The following TRIP4 variants were observed in gnomAD, a reference collection of about 807,000 sequenced individuals.
TRIP4 encodes the protein thyroid hormone receptor interactor 4.
A neutral mutation model predicts 81.8 loss-of-function variants in TRIP4; 54 were observed. The observed-to-expected ratio is 0.66, with a 90% CI of 0.53 to 0.83. The LOEUF is 0.83. TRIP4 is among the 40% of genes least tolerant of loss of function. The probability of loss-of-function intolerance (pLI) is 0.00; values close to 1 mark genes in which losing one functional copy is unlikely to be tolerated. For synonymous variants in TRIP4, 270 were observed against 242.8 expected, an observed-to-expected ratio of 1.11 and a Z score of -1.04; for missense variants, 662 against 683.6, an observed-to-expected ratio of 0.97 and a Z score of 0.35.
Position 64,409,932 on chromosome 15 carries a change from G to A in TRIP4, c.1043+104G>A. On this transcript the variant is annotated intron_variant, in intron 7 of 12. Transcript: ENST00000261884. The stretch of plus-strand genomic sequence containing the variant: ...TTATTTTTGTTGATTTAAAAAATGT[G>A]TTTATTTGGAACAGAAAACATGTTA... 3.9e-6 allele frequency: 4 copies of A among 1,027,538 alleles called. No homozygotes were observed. The South Asian group carries it at 6.6e-5, about 17-fold the overall frequency. 63.7% of individuals were successfully genotyped at this position (1,027,538 alleles called of 1,614,324 possible). A position where few individuals can be genotyped will look rare whatever the true frequency, so the allele number is the denominator to read the frequency against.
At chr15:64,448,731 CCTT>C (rs896256039) in intron 12 of TRIP4, among the ~76,000 whole-genome samples, 3 of 152,130 alleles carry the variant, frequency 2.0e-5, no homozygotes, top group African/African-American at 7.2e-5. Flanking sequence ...TCTCTAAAAA[CCTT>C]CTACTCTGCC....
rs956323624 is a variant in TRIP4 at position 64,415,192 on chromosome 15, A to G, written c.1170+981A>G. 3.3e-5 allele frequency among the ~76,000 whole-genome samples: 5 copies of G among 152,290 alleles called. 1 individual carries two copies. The East Asian group carries it at 9.6e-4, about 29-fold the overall frequency. On this transcript the variant is annotated intron_variant, in intron 8 of 12. Transcript: ENST00000261884. ...GAATTGTAGGAACAAAGGCATGTGT[A>G]CACAAAAACATGGGATATAGATATA... is the stretch of plus-strand genomic sequence containing the variant.
intron 7 of TRIP4, among the ~76,000 whole-genome samples, chr15:64,413,370 T>G (rs568091477): frequency 2.8e-4 from 42 of 151,752 alleles, no homozygotes; most frequent in African/African-American, 9.9e-4. Flanking sequence ...AGAACCAGGG[T>G]CTCTCTATGT....
At chr15:64,406,557 A>G (rs1891627772) in intron 6 of TRIP4, 98 bp downstream of exon 6, 1 of 1,436,324 alleles carries the variant, frequency 7.0e-7, no homozygotes, top group Admixed American at 2.3e-5. Flanking sequence ...GTGGAGTGTG[A>G]AAGAGTTTAT....
intron 1 of TRIP4, among the ~76,000 whole-genome samples, chr15:64,389,354 C>G (rs1900047779): frequency 6.6e-6 from 1 of 151,964 alleles, no homozygotes. Flanking sequence ...TTTTGAGGCC[C>G]TAGGAGATGG....
rs1900104005 is a variant in TRIP4 at position 64,390,780 on chromosome 15, A to G, written c.101+2816A>G. Among the ~76,000 whole-genome samples the G allele has an allele frequency of 2.0e-5, 3 of 151,894 alleles. No individual in the cohort carries two copies. In the South Asian group the frequency reaches 6.2e-4, roughly 32 times the overall value. On this transcript the variant is annotated intron_variant, in intron 1 of 12. Coordinates refer to ENST00000261884, the MANE Select transcript of TRIP4 (RefSeq NM_016213.5). ...TATGGTGACGGGCACCTGTAATCCC[A>G]GCTACTCGGGAGGCTGAGGCAGGAG...
At chr15:64,445,667 CAAAAAAAAA>C (rs34704960) in intron 12 of TRIP4, among the ~76,000 whole-genome samples, 5 of 77,984 alleles carry the variant, frequency 6.4e-5, no homozygotes, top group Non-Finnish European at 1.1e-4. Flanking sequence ...CACTCAGTCT[CAAAAAAAAA>C]AAAAAAAAAA....
In TRIP4 at chr15:64,414,271, T is replaced by A. The variant is rs983407829; in HGVS notation, c.1170+60T>A. The A allele has an allele frequency of 1.3e-4, 204 of 1,601,294 alleles. 1 individual carries two copies. Among genetic ancestry groups the A allele is most frequent in the Non-Finnish European group, 1.6e-4 (185 of 1,174,072 alleles). On this transcript the variant is annotated intron_variant, in intron 8 of 12. Coordinates refer to ENST00000261884, the MANE Select transcript of TRIP4 (RefSeq NM_016213.5). Reference sequence around the variant, plus strand: ...GTTTGGCCCCAATTTTGCCTTCTTTTAAGTATGTCTATTTCATAGACTTCA... The same window carrying A: ...GTTTGGCCCCAATTTTGCCTTCTTTAAAGTATGTCTATTTCATAGACTTCA...
At chr15:64,396,934 T>G (rs1596336328) in intron 3 of TRIP4, among the ~76,000 whole-genome samples, 1 of 152,254 alleles carries the variant, frequency 6.6e-6, no homozygotes, top group East Asian at 1.9e-4. Context: ...AGTTTAGCCA[T>G]TCTGGTTGGT....
At chr15:64,418,268 C>G (rs1415819618) in intron 8 of TRIP4, among the ~76,000 whole-genome samples, 1 of 152,102 alleles carries the variant, frequency 6.6e-6, no homozygotes, top group Non-Finnish European at 1.5e-5. Context: ...CCTGCCACCA[C>G]GCCCAGCTAA....
At chr15:64,431,846 TA>T (rs1263407727) in intron 11 of TRIP4, among the ~76,000 whole-genome samples, 1 of 44,112 alleles carries the variant, frequency 2.3e-5, no homozygotes, top group African/African-American at 5.2e-5. Context: ...TATATATATA[TA>T]TTTTTTTTAT....
At chr15:64,407,049 A>AT (rs888246007) in intron 6 of TRIP4, among the ~76,000 whole-genome samples, 17 of 151,254 alleles carry the variant, frequency 1.1e-4, no homozygotes, top group South Asian at 2.1e-4. Flanking sequence ...CCTTACTTAC[A>AT]TTTTTTTTTC....
chr15:64,438,919 T>C (rs987191307), intron 11 of TRIP4, among the ~76,000 whole-genome samples: 5 of 152,194 alleles, frequency 3.3e-5, no homozygotes, highest in African/African-American at 1.2e-4. Flanking sequence ...GTGTGTCTTA[T>C]CACTTATTTC....
intron 11 of TRIP4, among the ~76,000 whole-genome samples, chr15:64,434,642 T>C (rs1566982653): frequency 6.6e-6 from 1 of 152,152 alleles, no homozygotes; most frequent in Admixed American, 6.6e-5. Context: ...AAGACAGTTG[T>C]AGTCCAGGAT....
chr15:64,406,504 C>G (rs747593062), intron 6 of TRIP4, 45 bp downstream of exon 6: 3 of 1,594,576 alleles, frequency 1.9e-6, no homozygotes, highest in Admixed American at 1.7e-5. Flanking sequence ...TAAACTAGTC[C>G]ACAGATTCTG....
At chr15:64,432,869 C>T (rs2140305901) in intron 11 of TRIP4, among the ~76,000 whole-genome samples, 1 of 152,044 alleles carries the variant, frequency 6.6e-6, no homozygotes, top group East Asian at 1.9e-4. Context: ...CAAGATTGCG[C>T]CACTGTACTC....
chr15:64,425,836 C>T (rs1892130470), intron 11 of TRIP4, among the ~76,000 whole-genome samples: 1 of 152,154 alleles, frequency 6.6e-6, no homozygotes, highest in South Asian at 2.1e-4. Flanking sequence ...GTAATCCCAA[C>T]ACTTTGGGAG....
chr15:64,455,046 G>A lies in TRIP4; in HGVS notation c.1728G>A (p.Lys576=). The change falls in exon 13 of 13, where the codon AAG becomes AAA. Residue 576 remains lysine, a synonymous_variant. Coordinates refer to ENST00000261884, the MANE Select transcript of TRIP4 (RefSeq NM_016213.5). The stretch of plus-strand genomic sequence containing the variant: ...AAGGAGCAAAGAAGGGGTTAATGAA[G>A]CAGAATAAAGCTGTCTGACCCAGGA... ...IHQGAKKGLM[K]QNKAV 6.2e-7 allele frequency: 1 copy of A among 1,614,058 alleles called. No homozygotes were observed. Among genetic ancestry groups the A allele is most frequent in the East Asian group, 2.2e-5 (1 of 44,844 alleles).
intron 11 of TRIP4, among the ~76,000 whole-genome samples, chr15:64,431,877 C>CTTTTTTTTTTTT (rs1199638489): frequency 1.1e-4 from 6 of 52,518 alleles, no homozygotes; most frequent in East Asian, 7.6e-4. Context: ...ATTGTGTTTT[C>CTTTTTTTTTTTT]TTTTTTTTTT....
Sources: gnomAD v4.1 joint callset for allele counts (sites outside exome capture counted in the v4.1 genomes callset) on GRCh38, gnomAD v4.1.1 for gene constraint, MANE v1.5 for transcripts, NCBI Gene and HGNC (gene_info 2026-07-23, HGNC 2026-07-21) for gene names.